The following ZNF420 variants were observed in gnomAD, a reference collection of about 807,000 sequenced individuals.
ZNF420 encodes zinc finger protein 420, also known as ATM and p53-associated KZNF protein.
A neutral mutation model predicts 44.7 loss-of-function variants in ZNF420; 31 were observed. The observed-to-expected ratio is 0.69, with a 90% CI of 0.52 to 0.94. ZNF420 has a LOEUF of 0.94. Ranked by LOEUF, ZNF420 falls within the 40% of genes least tolerant of loss-of-function variation. The probability of loss-of-function intolerance (pLI) is 0.00; values close to 1 mark genes in which losing one functional copy is unlikely to be tolerated. For synonymous variants in ZNF420, 245 were observed against 267.4 expected, an observed-to-expected ratio of 0.92 and a Z score of 0.82; for missense variants, 681 against 827.9, an observed-to-expected ratio of 0.82 and a Z score of 2.18.
intron 1 of ZNF420, among the ~76,000 whole-genome samples, chr19:37,024,631 G>A (rs1481510789): frequency 3.3e-5 from 5 of 152,088 alleles, no homozygotes; most frequent in African/African-American, 1.2e-4. Flanking sequence ...TGTATTTTTA[G>A]TAGAGACGGG....
chr19:37,082,297 G>A (rs1968512887), intron 2 of ZNF420, among the ~76,000 whole-genome samples: 1 of 152,018 alleles, frequency 6.6e-6, no homozygotes, highest in Non-Finnish European at 1.5e-5. Context: ...CAAGTAGCTG[G>A]GATTACAGGC....
chr19:37,041,784 A>G (rs1321029293), intron 1 of ZNF420, among the ~76,000 whole-genome samples: 1 of 152,194 alleles, frequency 6.6e-6, no homozygotes, highest in Non-Finnish European at 1.5e-5. Flanking sequence ...TTTAAAAAAT[A>G]TAAAAAATAC....
At position 37,027,331 on chromosome 19, in the gene ZNF420, G is replaced by A. The variant is rs535359439; in HGVS notation, c.-125+19249G>A. Among the ~76,000 whole-genome samples the A allele has an allele frequency of 2.1e-4, 32 of 152,218 alleles. No individual in the cohort carries two copies. The East Asian group carries it at 4.8e-3, about 23-fold the overall frequency. On this transcript the variant is annotated intron_variant, in intron 1 of 4. Coordinates refer to the ZNF420 transcript ENST00000587029. ...AAAAACAGAGCAGAAGGCAAATTGA[G>A]CTCTAATATCCCCCTCACACCATAG...
chr19:37,041,473 G>A (rs780286771), intron 1 of ZNF420, among the ~76,000 whole-genome samples: 33 of 151,828 alleles, frequency 2.2e-4, no homozygotes, highest in Non-Finnish European at 4.0e-4. Context: ...TTTGAGCACT[G>A]GAAGTACTTA....
intron 1 of ZNF420, among the ~76,000 whole-genome samples, chr19:37,031,393 T>C (rs1260875200): frequency 6.6e-6 from 1 of 152,228 alleles, no homozygotes; most frequent in Non-Finnish European, 1.5e-5. Context: ...TGCCCCTAAC[T>C]GATCCTAAAG....
intron 1 of ZNF420, among the ~76,000 whole-genome samples, 182 bp from the exon 2 acceptor site, chr19:37,080,163 A>G (rs1200537955): frequency 1.3e-5 from 2 of 152,206 alleles, no homozygotes; most frequent in Non-Finnish European, 2.9e-5. Flanking sequence ...TTCAAGCCCA[A>G]GACAGCTGTG....
At chr19:37,015,858 TG>T (rs1449785064) in intron 1 of ZNF420, among the ~76,000 whole-genome samples, 1 of 152,034 alleles carries the variant, frequency 6.6e-6, no homozygotes, top group Non-Finnish European at 1.5e-5. Context: ...CACATGCGAG[TG>T]GGATGGATTG....
rs79734614 is a variant in ZNF420 at position 37,011,366 on chromosome 19, A to G, written c.-125+3284A>G. 4.0e-3 allele frequency among the ~76,000 whole-genome samples: 602 copies of G among 152,228 alleles called. 6 individuals carry two copies. The highest frequency in any genetic ancestry group is 0.014 in the African/African-American group (573 of 41,546). Reference sequence around the variant, plus strand: ...TGCGTGGCTGGCCTTGGCTTCTAGGAAAGGCGGTGTCGCGTTTCCTCTTCA... The same window carrying G: ...TGCGTGGCTGGCCTTGGCTTCTAGGGAAGGCGGTGTCGCGTTTCCTCTTCA... On this transcript the variant is annotated intron_variant, in intron 1 of 4. Coordinates refer to the ZNF420 transcript ENST00000587029.
chr19:37,092,595 T>TTAC (rs908545422), intron 4 of ZNF420: 4 of 151,922 alleles, frequency 2.6e-5, no homozygotes, highest in African/African-American at 9.7e-5. Context: ...ATGCCAGTAA[T>TTAC]CCCAGCTACT....
At chr19:37,032,110 C>A (rs1406195157) in intron 1 of ZNF420, among the ~76,000 whole-genome samples, 1 of 151,942 alleles carries the variant, frequency 6.6e-6, no homozygotes, top group Non-Finnish European at 1.5e-5. Context: ...TTTGGGAGGC[C>A]AAGGCAGGCA....
intron 4 of ZNF420, among the ~76,000 whole-genome samples, chr19:37,103,068 C>A (rs1386527872): frequency 6.6e-6 from 1 of 151,908 alleles, no homozygotes; most frequent in Non-Finnish European, 1.5e-5. Flanking sequence ...AATCTTAATT[C>A]TCTTAACTAT....
intron 1 of ZNF420, among the ~76,000 whole-genome samples, chr19:37,050,126 A>T (rs113336435): frequency 1.3e-5 from 2 of 151,930 alleles, no homozygotes; most frequent in Admixed American, 6.6e-5. Context: ...TAGCCTTGTA[A>T]TATAGTTTGA....
At chr19:37,046,730 C>A (rs1967548580) in intron 1 of ZNF420, among the ~76,000 whole-genome samples, 1 of 152,224 alleles carries the variant, frequency 6.6e-6, no homozygotes, top group African/African-American at 2.4e-5. Context: ...CATTTACATA[C>A]AGGCCAAGGC....
chr19:37,091,420 A>G (rs1164703019), intron 4 of ZNF420: 1 of 192,070 alleles, frequency 5.2e-6, no homozygotes, highest in African/African-American at 2.3e-5. Flanking sequence ...TACACTTTAG[A>G]TCTGCTAAAG....
In ZNF420 at chr19:37,092,803, C is replaced by G. The variant is rs1000238610; in HGVS notation, c.136+1682C>G. 2.1e-4 allele frequency among the ~76,000 whole-genome samples: 32 copies of G among 151,864 alleles called. 2 individuals carry two copies. The highest frequency in any genetic ancestry group is 1.5e-5 in the Non-Finnish European group (1 of 67,992). On this transcript the variant is annotated intron_variant, in intron 4 of 4. Transcript: ENST00000337995. ...GCAGCTTGACAGTACCAGGCATTCT[C>G]AAGATTTGAAGGCAGAAGTGCACTA... is the stretch of plus-strand genomic sequence containing the variant.
At chr19:37,084,840 T>TA (rs766677037) in intron 2 of ZNF420, among the ~76,000 whole-genome samples, 7 of 152,204 alleles carry the variant, frequency 4.6e-5, no homozygotes, top group Non-Finnish European at 7.4e-5. Context: ...ATTAAAGCCT[T>TA]AAAAAATCTG....
intron 1 of ZNF420, among the ~76,000 whole-genome samples, chr19:37,062,126 G>A (rs1180414030): frequency 2.6e-5 from 4 of 152,206 alleles, no homozygotes; most frequent in Non-Finnish European, 5.9e-5. Context: ...ACTGTTAGAA[G>A]TAACTAACTG....
In ZNF420 at chr19:37,129,427, G is replaced by A. The variant is rs58017177; in HGVS notation, c.*369G>A. On this transcript the variant is annotated 3_prime_UTR_variant, in exon 5 of 5. Transcript: ENST00000337995. ...TAGACCTAAGTATATTACCTTTATT[G>A]TAAGATTCTTGGAAGTATTATGTAA... 0.017 allele frequency: 3,244 copies of A among 186,498 alleles called. 83 individuals are homozygous for A. The highest frequency in any genetic ancestry group is 0.046 in the African/African-American group (1,957 of 42,230). The allele number at this position is 186,498 out of a possible 1,614,324, so 11.6% of individuals were successfully genotyped here. A position where few individuals can be genotyped will look rare whatever the true frequency, so the allele number is the denominator to read the frequency against.
chr19:37,038,252 C>T (rs929228324), intron 1 of ZNF420, among the ~76,000 whole-genome samples: 4 of 152,218 alleles, frequency 2.6e-5, no homozygotes. Context: ...TGCTAACCAT[C>T]ATCTGGTCCT....
Sources: gnomAD v4.1 joint callset for allele counts (sites outside exome capture counted in the v4.1 genomes callset) on GRCh38, gnomAD v4.1.1 for gene constraint, MANE v1.5 for transcripts, NCBI Gene and HGNC (gene_info 2026-07-23, HGNC 2026-07-21) for gene names.